The following ZBTB7C variants were observed in gnomAD, a reference collection of about 807,000 sequenced individuals.
ZBTB7C encodes zinc finger and BTB domain-containing protein 7C.
A neutral mutation model predicts 25.7 loss-of-function variants in ZBTB7C; 8 were observed. The ratio of observed to expected loss-of-function variants is 0.31; its 90% CI spans 0.18 to 0.56. The LOEUF is 0.56. ZBTB7C is among the 20% of genes least tolerant of loss of function. The pLI is 0.91. For missense variants in ZBTB7C, 824 were observed against 855.2 expected, an observed-to-expected ratio of 0.96 and a Z score of 0.46; for synonymous variants, 394 against 369.0, an observed-to-expected ratio of 1.07 and a Z score of -0.78.
intron 2 of ZBTB7C, among the ~76,000 whole-genome samples, chr18:48,315,844 T>C (rs928825379): frequency 6.6e-6 from 1 of 152,188 alleles, no homozygotes; most frequent in Non-Finnish European, 1.5e-5. Context: ...CCCTAAAGCA[T>C]AACTCAACTG....
chr18:48,363,886 A>G (rs1191863853), intron 1 of ZBTB7C, among the ~76,000 whole-genome samples: 1 of 152,012 alleles, frequency 6.6e-6, no homozygotes, highest in African/African-American at 2.4e-5. Context: ...GTCTTTTTAA[A>G]AAACTCTCTC....
intron 2 of ZBTB7C, among the ~76,000 whole-genome samples, chr18:48,260,233 T>C (rs1455559143): frequency 6.6e-6 from 1 of 152,170 alleles, no homozygotes; most frequent in Non-Finnish European, 1.5e-5. Context: ...TGAGAGAAAC[T>C]GCATAAAAAG....
intron 2 of ZBTB7C, among the ~76,000 whole-genome samples, chr18:48,191,873 G>A (rs1352606185): frequency 6.6e-6 from 1 of 152,222 alleles, no homozygotes; most frequent in Non-Finnish European, 1.5e-5. Context: ...AGCCACTGAG[G>A]AAGACAGTTT....
At chr18:48,339,874 C>T (rs978042105) in intron 1 of ZBTB7C, among the ~76,000 whole-genome samples, 1 of 152,142 alleles carries the variant, frequency 6.6e-6, no homozygotes, top group South Asian at 2.1e-4. Flanking sequence ...AAATTGGCTG[C>T]GATAAACAGC....
intron 2 of ZBTB7C, among the ~76,000 whole-genome samples, chr18:48,278,392 T>C (rs1290333985): frequency 6.6e-6 from 1 of 151,850 alleles, no homozygotes; most frequent in Non-Finnish European, 1.5e-5. Context: ...GTAACCCAAG[T>C]AGAAGAGAGA....
intron 1 of ZBTB7C, among the ~76,000 whole-genome samples, chr18:48,384,871 G>A (rs1003157676): frequency 1.3e-5 from 2 of 151,944 alleles, no homozygotes; most frequent in Non-Finnish European, 2.9e-5. Flanking sequence ...TAGTAGAGAC[G>A]AGGCTTCACC....
intron 2 of ZBTB7C, among the ~76,000 whole-genome samples, chr18:48,242,523 T>C (rs988062375): frequency 1.3e-5 from 2 of 152,196 alleles, no homozygotes; most frequent in African/African-American, 4.8e-5. Flanking sequence ...GTTTCATACC[T>C]GGGATGCAGG....
chr18:48,077,500 C>T (rs1249041759), intron 3 of ZBTB7C, among the ~76,000 whole-genome samples: 1 of 152,240 alleles, frequency 6.6e-6, no homozygotes, highest in African/African-American at 2.4e-5. Context: ...CCCTATCCAA[C>T]TTGGCGAGTC....
At chr18:48,316,903 G>C (rs889260505) in intron 2 of ZBTB7C, among the ~76,000 whole-genome samples, 1 of 152,240 alleles carries the variant, frequency 6.6e-6, no homozygotes, top group African/African-American at 2.4e-5. Flanking sequence ...GTAAAATGGG[G>C]ATATGTGTAT....
intron 3 of ZBTB7C, among the ~76,000 whole-genome samples, chr18:48,154,704 C>A (rs985333948): frequency 6.6e-6 from 1 of 152,186 alleles, no homozygotes; most frequent in East Asian, 1.9e-4. Context: ...TCTTCACTAG[C>A]CATTTTATAG....
At chr18:48,176,086 A>G (rs2041667368) in intron 3 of ZBTB7C, among the ~76,000 whole-genome samples, 1 of 152,216 alleles carries the variant, frequency 6.6e-6, no homozygotes, top group South Asian at 2.1e-4. Flanking sequence ...AAAAAAAATC[A>G]TCCTATAATG....
intron 1 of ZBTB7C, among the ~76,000 whole-genome samples, chr18:48,398,773 G>A (rs2048089502): frequency 6.6e-6 from 1 of 152,090 alleles, no homozygotes; most frequent in African/African-American, 2.4e-5. Flanking sequence ...CATAGTGGGA[G>A]CTCAGGAAAC....
intron 3 of ZBTB7C, among the ~76,000 whole-genome samples, chr18:48,118,405 A>C (rs1462570036): frequency 6.6e-6 from 1 of 152,206 alleles, no homozygotes; most frequent in Non-Finnish European, 1.5e-5. Flanking sequence ...ACTGAGATGC[A>C]TGCCTTTCTT....
chr18:48,230,592 G>C (rs908515903), intron 2 of ZBTB7C, among the ~76,000 whole-genome samples: 1 of 152,196 alleles, frequency 6.6e-6, no homozygotes, highest in Non-Finnish European at 1.5e-5. Context: ...GAAGAGAATG[G>C]AATTGAACAT....
At chr18:48,373,878 G>A (rs979918622) in intron 1 of ZBTB7C, among the ~76,000 whole-genome samples, 4 of 151,880 alleles carry the variant, frequency 2.6e-5, no homozygotes, top group South Asian at 2.1e-4. Flanking sequence ...GGAGAATGGC[G>A]TGAGCCCAGG....
chr18:48,137,243 A>T, intron 3 of ZBTB7C: 2 of 985,488 alleles, frequency 2.0e-6, no homozygotes, highest in Non-Finnish European at 2.4e-6. Context: ...GTCCACCTGT[A>T]CTGTTAAGCG....
At chr18:48,031,909 G>C (rs988494562) in intron 4 of ZBTB7C, among the ~76,000 whole-genome samples, 1 of 152,118 alleles carries the variant, frequency 6.6e-6, no homozygotes, top group Admixed American at 6.5e-5. Context: ...TGTACCCCTG[G>C]AGTGATGCAA....
Position 48,029,541 on chromosome 18 carries a change from C to T in ZBTB7C, c.1579G>A (p.Gly527Ser). 2 of 1,564,398 alleles carry T rather than the reference C, an allele frequency of 1.3e-6. No individual in the cohort carries two copies. Among genetic ancestry groups the T allele is most frequent in the Middle Eastern group, 1.7e-4 (1 of 5,908 alleles). The stretch of plus-strand genomic sequence containing the variant: ...AGGAAGTGCTTGGCGGGGCTGGGGC[C>T]CGGGAGGCACACAGCTGCGCCGCCC... ...HLGGAAVCLP[G>S]PSPAKHFLAA... Residue 527 changes from glycine to serine, a missense_variant, in exon 5 of 5, where the codon GGC (glycine) becomes AGC (serine). Gly to Ser is a moderately conservative substitution (Grantham distance 56, BLOSUM62 0). Coordinates refer to ENST00000590800, the MANE Select transcript of ZBTB7C (RefSeq NM_001318841.2).
intron 3 of ZBTB7C, among the ~76,000 whole-genome samples, chr18:48,112,172 A>T (rs1259123942): frequency 6.6e-6 from 1 of 152,124 alleles, no homozygotes; most frequent in Non-Finnish European, 1.5e-5. Context: ...AATTTGTTTA[A>T]TAAAATATAT....
Sources: allele counts gnomAD v4.1 joint callset (sites outside exome capture counted in the v4.1 genomes callset), GRCh38; gene constraint gnomAD v4.1.1; transcripts MANE v1.5; gene names NCBI Gene and HGNC (gene_info 2026-07-23, HGNC 2026-07-21).